ARMCX4: variants seen among roughly 807,000 people sequenced by gnomAD.
The protein encoded by ARMCX4 is armadillo repeat containing X-linked 4, also known as armadillo repeat-containing X-linked protein 4.
ARMCX4 carries 3 observed loss-of-function variants against 34.7 expected under a neutral mutation model. That is an observed-to-expected ratio of 0.09 (90% CI 0.04 to 0.22). The LOEUF (loss-of-function observed/expected upper bound fraction) is 0.22, where lower values mean the gene tolerates loss of function less well. ARMCX4 is among the 10% of genes least tolerant of loss of function. ARMCX4 has a pLI of 1.00. For synonymous variants in ARMCX4, 513 were observed against 632.8 expected, an observed-to-expected ratio of 0.81 and a Z score of 2.84; for missense variants, 1,448 against 1,720.8, an observed-to-expected ratio of 0.84 and a Z score of 2.81.
chrX:101,488,251 AT>A (rs1392607225), intron 5 of ARMCX4, among the ~76,000 whole-genome samples, 152 bp downstream of exon 5: 1 of 111,945 alleles, frequency 8.9e-6, no homozygotes, highest in East Asian at 2.8e-4. Flanking sequence ...GTATAGAAGT[AT>A]CTTGGAAGAA....
At chrX:101,436,030 T>C (rs1236565852) in intron 2 of ARMCX4, among the ~76,000 whole-genome samples, 4 of 111,886 alleles carry the variant, frequency 3.6e-5, no homozygotes, top group African/African-American at 1.3e-4. Flanking sequence ...AGTACCATGC[T>C]GTTTTGGTTA....
At chrX:101,469,832 GCC>G in intron 4 of ARMCX4, among the ~76,000 whole-genome samples, 1 of 111,353 alleles carries the variant, frequency 9.0e-6, no homozygotes, top group African/African-American at 3.3e-5. Context: ...CATAAGACAT[GCC>G]CACCCACCAG....
intron 11 of ARMCX4, among the ~76,000 whole-genome samples, chrX:101,528,119 A>C (rs1260833534): frequency 8.9e-6 from 1 of 111,914 alleles, no homozygotes; most frequent in Non-Finnish European, 1.9e-5. Context: ...GCAGCACATC[A>C]AAAAGCTTAT....
chrX:101,451,945 A>T (rs1555999164), downstream of ARMCX4, among the ~76,000 whole-genome samples: 1 of 112,321 alleles, frequency 8.9e-6, no homozygotes, highest in Admixed American at 9.5e-5. Flanking sequence ...TGTTCCAAAG[A>T]GTAGAAGTTC....
chrX:101,492,279 G>A lies in ARMCX4; in HGVS notation c.3690G>A (p.Gln1230=). Residue 1230 remains glutamine (Q), a synonymous_variant, in exon 6 of 6, where the codon CAG becomes CAA. Coordinates refer to ENST00000423738, the MANE Select transcript of ARMCX4 (RefSeq NM_001256155.3). The stretch of plus-strand genomic sequence containing the variant: ...GGTCTTGGGCTCTCGCTGGGAATCA[G>A]GCCATTGGAGAGCTTTGGGCTGCGG... ...SGGSWALAGN[Q]AIGELWAAGQ... The A allele has an allele frequency of 1.7e-6, 2 of 1,143,050 alleles. No individual in the cohort carries two copies. The highest frequency in any genetic ancestry group is 2.0e-5 in the South Asian group (1 of 50,934). The allele number at this position is 1,143,050 out of a possible 1,213,427, so 94.2% of individuals were successfully genotyped here.
At position 101,488,894 on chromosome X, in the gene ARMCX4, A is replaced by C. The variant is rs1933863044; in HGVS notation, c.305A>C (p.Gln102Pro). Residue 102 changes from glutamine to proline, a missense_variant, in exon 6 of 6, where the codon CAG (glutamine) becomes CCG (proline). Transcript: ENST00000423738. The part of the protein sequence containing the change: ...TAIAIHRANS[Q>P]AKAMVGAEPE... Reference sequence around the variant, plus strand: ...ATAGCCATACACAGAGCCAACTCTCAGGCCAAGGCAATGGTTGGGGCAGAG... The same window carrying C: ...ATAGCCATACACAGAGCCAACTCTCCGGCCAAGGCAATGGTTGGGGCAGAG... 16 of 1,154,707 alleles carry C rather than the reference A, an allele frequency of 1.4e-5. No homozygotes were observed. Among genetic ancestry groups the C allele is most frequent in the Non-Finnish European group, 1.8e-5 (16 of 872,754 alleles).
chrX:101,506,335 C>T (rs1264944651), intron 8 of ARMCX4, among the ~76,000 whole-genome samples: 2 of 111,854 alleles, frequency 1.8e-5, no homozygotes, highest in African/African-American at 3.3e-5. Context: ...TTCTATTAGT[C>T]TACTTGGGCC....
chrX:101,486,947 T>TAAATAAAATAAAATAAAATA (rs782006379), intron 2 of ARMCX4, among the ~76,000 whole-genome samples: 18 of 106,237 alleles, frequency 1.7e-4, no homozygotes, highest in South Asian at 8.2e-4. Flanking sequence ...AAAAATAAAA[T>TAAATAAAATAAAATAAAATA]AAATAAAATA....
chrX:101,528,652 A>T (rs1441698572), intron 11 of ARMCX4, among the ~76,000 whole-genome samples: 3 of 111,849 alleles, frequency 2.7e-5, no homozygotes, highest in Non-Finnish European at 3.8e-5. Flanking sequence ...ATACAAAATC[A>T]ATGTGCAAAA....
intron 2 of ARMCX4, among the ~76,000 whole-genome samples, chrX:101,438,858 G>A (rs1376910881): frequency 9.0e-6 from 1 of 111,027 alleles, no homozygotes; most frequent in Non-Finnish European, 1.9e-5. Flanking sequence ...TTGAGCCTAT[G>A]TGTGTCTCTG....
upstream of ARMCX4, among the ~76,000 whole-genome samples, chrX:101,483,961 C>T (rs1383593118): frequency 5.4e-5 from 6 of 111,677 alleles, no homozygotes; most frequent in African/African-American, 2.0e-4. Flanking sequence ...AGTATGACTC[C>T]TCAGCGGGGA....
downstream of ARMCX4, chrX:101,499,247 G>A (rs782635904): frequency 5.4e-5 from 6 of 111,514 alleles, no homozygotes; most frequent in Non-Finnish European, 1.1e-4. Context: ...GAAATGACAC[G>A]AACTCATTAC....
chrX:101,436,019 C>A (rs1178737600), intron 2 of ARMCX4, among the ~76,000 whole-genome samples: 1 of 111,565 alleles, frequency 9.0e-6, no homozygotes, highest in Non-Finnish European at 1.9e-5. Flanking sequence ...GTTTTGGTAC[C>A]AGTACCATGC....
chrX:101,481,171 C>T (rs1213559118), upstream of ARMCX4, among the ~76,000 whole-genome samples: 5 of 111,844 alleles, frequency 4.5e-5, no homozygotes. Flanking sequence ...CTTATATTGG[C>T]AATAATTACT....
intron 2 of ARMCX4, among the ~76,000 whole-genome samples, chrX:101,429,332 CTT>C (rs151320609): frequency 1.5e-3 from 96 of 64,136 alleles, no homozygotes; most frequent in East Asian, 7.0e-3. Context: ...CCTAGATTGT[CTT>C]TTTTTTTTTT....
chrX:101,497,179 T>C (rs782214246), downstream of ARMCX4, among the ~76,000 whole-genome samples: 34 of 111,822 alleles, frequency 3.0e-4, no homozygotes, highest in African/African-American at 1.1e-3. Context: ...CTGAGAATAT[T>C]AATAGTTTTC....
rs1370229154 is a variant in ARMCX4, at chrX:101,433,109, T to C, written n.165-10943T>C. On this transcript the variant is annotated intron_variant and non_coding_transcript_variant, in intron 2 of 3. Transcript: ENST00000430461. ...ACATATATGTGTATACATACGCACG[T>C]ATACACATGTATGTATACATATTTG... is the stretch of plus-strand genomic sequence containing the variant. Among the ~76,000 whole-genome samples, 5 of 108,476 alleles carry C rather than the reference T, an allele frequency of 4.6e-5. No homozygotes were observed. The East Asian group carries it at 1.5e-3, about 32-fold the overall frequency. 94.2% of individuals were successfully genotyped at this position (108,476 alleles called of 115,157 possible).
Position 101,493,220 on chromosome X carries a change from C to T in ARMCX4, c.4631C>T (p.Ala1544Val), listed in dbSNP as rs1289628889. Residue 1544 changes from alanine to valine, a missense_variant, in exon 6 of 6, where the codon GCT becomes GTT. Physicochemically the swap from Ala to Val is moderately conservative, Grantham distance 64. Transcript: ENST00000423738. ...SRPGPTNQSS[A>V]GSWDSPGSQV... ...CCAGGGCCCACGAACCAGTCCAGTG[C>T]TGGGTCCTGGGATAGCCCTGGGAGT... is the stretch of plus-strand genomic sequence containing the variant. The T allele has an allele frequency of 4.3e-6, 5 of 1,151,005 alleles. No homozygotes were observed. The East Asian group carries it at 1.6e-4, about 38-fold the overall frequency. 94.9% of individuals were successfully genotyped at this position (1,151,005 alleles called of 1,213,427 possible).
chrX:101,457,470 C>T (rs1260855573), intron 4 of ARMCX4, among the ~76,000 whole-genome samples: 1 of 111,272 alleles, frequency 9.0e-6, no homozygotes, highest in Non-Finnish European at 1.9e-5. Flanking sequence ...TGGCTCACGC[C>T]TGTATCCCCA....
Sources: gnomAD v4.1 joint callset for allele counts (sites outside exome capture counted in the v4.1 genomes callset) on GRCh38, gnomAD v4.1.1 for gene constraint, MANE v1.5 for transcripts, NCBI Gene and HGNC (gene_info 2026-07-23, HGNC 2026-07-21) for gene names.